NHERF2: variants seen among roughly 807,000 people sequenced by gnomAD.
NHERF2 encodes NHERF family PDZ scaffold protein 2.
the NHERF2 span, chr16:2,037,733 C>T: frequency 4.5e-6 from 7 of 1,550,200 alleles, no homozygotes; most frequent in Admixed American, 7.8e-5. Flanking sequence ...CCCCAGCAGG[C>T]AGCCTCTGTT....
At chr16:2,029,537 C>T in the NHERF2 span, 11 of 1,524,372 alleles carry the variant, frequency 7.2e-6, no homozygotes, top group Admixed American at 7.8e-5. Flanking sequence ...ATGTGCTGCC[C>T]GGAATGTGGG....
chr16:2,036,838 C>T, the NHERF2 span: 1 of 1,612,700 alleles, frequency 6.2e-7, no homozygotes, highest in Non-Finnish European at 8.5e-7. Context: ...CAGATGAACA[C>T]TTCAAGCGGC....
the NHERF2 span, among the ~76,000 whole-genome samples, chr16:2,028,152 C>T: frequency 6.6e-6 from 1 of 152,236 alleles, no homozygotes; most frequent in Non-Finnish European, 1.5e-5. Context: ...CCGATGAATC[C>T]ATAACCTGTC....
chr16:2,027,171 CTGG>C, the NHERF2 span: 7 of 1,471,680 alleles, frequency 4.8e-6, no homozygotes, highest in Non-Finnish European at 6.3e-6. Context: ...TGGGGACCGC[CTGG>C]TCGAGGTCAA....
chr16:2,033,680 G>A, the NHERF2 span, among the ~76,000 whole-genome samples: 16 of 152,302 alleles, frequency 1.1e-4, 1 homozygote, highest in Admixed American at 9.1e-4. Flanking sequence ...TGTGCTGGCC[G>A]CCGGCAGGGA....
At chr16:2,033,458 G>T in the NHERF2 span, 3 of 1,502,922 alleles carry the variant, frequency 2.0e-6, no homozygotes. Context: ...AGGAAGGGAG[G>T]GCTAGGAGGA....
the NHERF2 span, among the ~76,000 whole-genome samples, chr16:2,032,634 A>AG: frequency 1.3e-5 from 2 of 152,222 alleles, no homozygotes; most frequent in Non-Finnish European, 2.9e-5. This position sits in a 1 kb window ranked among gnomAD's most constrained non-coding sequence, Gnocchi z 4.0. Flanking sequence ...GGCTGGGGAT[A>AG]GGGGAGGTGG....
chr16:2,029,836 C>G, the NHERF2 span: 1 of 1,449,470 alleles, frequency 6.9e-7, no homozygotes, highest in Non-Finnish European at 9.4e-7. Context: ...GAGGCTCTCT[C>G]AGCTTTTGAC....
the NHERF2 span, chr16:2,029,563 T>C: frequency 2.1e-3 from 3,257 of 1,556,504 alleles, 63 homozygotes; most frequent in African/African-American, 0.039. Context: ...GACCCGCTCC[T>C]ATCGCCCATT....
the NHERF2 span, chr16:2,035,721 A>G: frequency 2.0e-6 from 2 of 979,548 alleles, no homozygotes; most frequent in Admixed American, 6.1e-5. Context: ...CTGGGATGGT[A>G]GCGGGGGGTC....
At chr16:2,036,878 G>T in the NHERF2 span, 1 of 1,608,834 alleles carries the variant, frequency 6.2e-7, no homozygotes. Flanking sequence ...GGAGCACGTG[G>T]AAGGTGGGCC....
At chr16:2,031,832 C>G in the NHERF2 span, among the ~76,000 whole-genome samples, 3 of 152,162 alleles carry the variant, frequency 2.0e-5, no homozygotes, top group Non-Finnish European at 2.9e-5. Flanking sequence ...GCTGGGATTA[C>G]AGGCGCGCAC....
chr16:2,027,043 G>T, the NHERF2 span: 5 of 1,351,578 alleles, frequency 3.7e-6, no homozygotes, highest in South Asian at 8.4e-5. Flanking sequence ...CGCCTGTGCC[G>T]CTTGGTGCGC....
At chr16:2,031,563 G>A in the NHERF2 span, among the ~76,000 whole-genome samples, 8 of 152,140 alleles carry the variant, frequency 5.3e-5, no homozygotes, top group African/African-American at 7.2e-5. Context: ...GGCTCTGGGG[G>A]CTGCAGGAAG....
the NHERF2 span, chr16:2,036,311 G>A: frequency 4.6e-5 from 74 of 1,598,168 alleles, 1 homozygote; most frequent in Middle Eastern, 6.6e-4. Context: ...GACCCTGTCC[G>A]TTGGGCCTGC....
chr16:2,036,793 G>A, the NHERF2 span: 14 of 1,613,538 alleles, frequency 8.7e-6, no homozygotes, highest in East Asian at 2.7e-4. Flanking sequence ...AGGCACGGGA[G>A]GACGAGGCCC....
chr16:2,033,359 G>T, the NHERF2 span: 1 of 1,533,016 alleles, frequency 6.5e-7, no homozygotes, highest in South Asian at 1.2e-5. Context: ...GTCATGGCAC[G>T]CTCCGGGAGT....
At chr16:2,031,767 C>G in the NHERF2 span, among the ~76,000 whole-genome samples, 4 of 152,194 alleles carry the variant, frequency 2.6e-5, no homozygotes, top group Non-Finnish European at 4.4e-5. Context: ...TCTTGGCTCA[C>G]TACAACCTCC....
At chr16:2,029,561 C>A in the NHERF2 span, 1 of 1,555,242 alleles carries the variant, frequency 6.4e-7, no homozygotes, top group East Asian at 2.4e-5. Context: ...CTGACCCGCT[C>A]CTATCGCCCA....
Sources: gnomAD v4.1 joint callset for allele counts (sites outside exome capture counted in the v4.1 genomes callset) on GRCh38, gnomAD v4.1.1 for gene constraint, Gnocchi (gnomAD v3.1) non-coding constraint, MANE v1.5 for transcripts, NCBI Gene and HGNC (gene_info 2026-07-23, HGNC 2026-07-21) for gene names.